The following ATG2A variants were observed in gnomAD, a reference collection of about 807,000 sequenced individuals.
The protein encoded by ATG2A is autophagy related 2A.
A neutral mutation model predicts 214.2 loss-of-function variants in ATG2A; 103 were observed. That is an observed-to-expected ratio of 0.48 (90% confidence interval 0.41 to 0.57). The LOEUF is 0.57. Ranked by LOEUF, ATG2A falls within the 20% of genes least tolerant of loss-of-function variation. The probability of loss-of-function intolerance (pLI) is 0.00; values close to 1 mark genes in which losing one functional copy is unlikely to be tolerated. For missense variants in ATG2A, 2,312 were observed against 2,613.2 expected, an observed-to-expected ratio of 0.88 and a Z score of 2.51; for synonymous variants, 1,160 against 1,142.1, an observed-to-expected ratio of 1.02 and a Z score of -0.32.
At chr11:64,900,019 T>C (rs1944295715) in intron 31 of ATG2A, among the ~76,000 whole-genome samples, 1 of 111,016 alleles carries the variant, frequency 9.0e-6, no homozygotes, top group Non-Finnish European at 1.8e-5. Flanking sequence ...CCACTGCAAA[T>C]GGTTAATTTT....
In ATG2A at chr11:64,911,114, C is replaced by A; in HGVS notation, c.1390G>T (p.Asp464Tyr). 1 of 1,614,102 alleles carries A rather than the reference C, an allele frequency of 6.2e-7. No individual in the cohort carries two copies. Among genetic ancestry groups the A allele is most frequent in the South Asian group, 1.1e-5 (1 of 91,074 alleles). ...AAGTCTCGGGAACCGAAGGGCCCAT[C>A]CTTGGTGGCATCAAACTCGGTGAAA... ...HFFTEFDATK[D>Y]GPFGSRDFHH... The change falls in exon 10 of 41, where the codon GAT becomes TAT. Residue 464 changes from aspartate to tyrosine, a missense_variant. Transcript: ENST00000377264.
Position 64,914,421 on chromosome 11 carries a change from AC to A in ATG2A, c.250del (p.Val84CysfsTer42). The A allele has an allele frequency of 6.2e-7, 1 of 1,612,612 alleles. No homozygotes were observed. The highest frequency in any genetic ancestry group is 8.5e-7 in the Non-Finnish European group (1 of 1,179,756). ...EGFVGSIEVAVPWAALLTDHC... is the reference protein window; with the variant it reads ...EGFVGSIEVAXPWAALLTDHC... ...GTCGGTGAGCAGAGCAGCCCAGGGC[AC>A]GGCCACCTCGATGGAGCCCACGAAG... is the stretch of plus-strand genomic sequence containing the variant. On this transcript the variant is annotated frameshift_variant, in exon 2 of 41. Coordinates refer to ENST00000377264, the MANE Select transcript of ATG2A (RefSeq NM_015104.3). LOFTEE classifies it high-confidence loss of function.
rs761178485 is a variant in ATG2A, at chr11:64,898,627, C to T, written c.4671+9G>A. ...CTGCCCCAGGGTGGATGGTGCAGGTCGCTCATACCATGTTAGAGTGGGCAC... is the reference window on the plus strand; with the variant it reads ...CTGCCCCAGGGTGGATGGTGCAGGTTGCTCATACCATGTTAGAGTGGGCAC... On this transcript the variant is annotated intron_variant, in intron 32 of 40. Transcript: ENST00000377264. This position sits in a 1 kb window ranked among gnomAD's most constrained non-coding sequence, Gnocchi z 4.5. The T allele has an allele frequency of 5.6e-6, 9 of 1,611,836 alleles. No individual in the cohort carries two copies. Among genetic ancestry groups the T allele is most frequent in the South Asian group, 1.1e-5 (1 of 91,038 alleles).
Position 64,897,970 on chromosome 11 carries a change from G to A in ATG2A, c.4863C>T (p.Arg1621=). The A allele has an allele frequency of 6.4e-7, 1 of 1,555,552 alleles. No individual in the cohort carries two copies. Among genetic ancestry groups the A allele is most frequent in the Non-Finnish European group, 8.7e-7 (1 of 1,153,694 alleles). Residue 1621 remains arginine (R), a synonymous_variant, in exon 35 of 41, where the codon CGC becomes CGT. Coordinates refer to ENST00000377264, the MANE Select transcript of ATG2A (RefSeq NM_015104.3). ...TGCTGGGCTGGGCTCGAGTCTCGGG[G>A]CGAGCTAGGGGAGGGGAGGTCACAG... ...VVPGETSAEA[R]PETRAQPSSP...
At position 64,904,950 on chromosome 11, in the gene ATG2A, G is replaced by A. The variant is rs567317523; in HGVS notation, c.3464+613C>T. On this transcript the variant is annotated intron_variant, in intron 24 of 40. Transcript: ENST00000377264. ...CGCTCACCGTAACCTCCGCCTCCCAGATTCAAGTGATTCTCCTGCCTCAGC... is the reference window on the plus strand; with the variant it reads ...CGCTCACCGTAACCTCCGCCTCCCAAATTCAAGTGATTCTCCTGCCTCAGC... Among the ~76,000 whole-genome samples, 17 of 152,284 alleles carry A rather than the reference G, an allele frequency of 1.1e-4. No individual in the cohort carries two copies. In the South Asian group the frequency reaches 3.3e-3, roughly 30 times the overall value.
In ATG2A at chr11:64,913,166, G is replaced by A; in HGVS notation, c.727-30C>T. The A allele has an allele frequency of 6.3e-7, 1 of 1,597,476 alleles. No homozygotes were observed. The highest frequency in any genetic ancestry group is 8.5e-7 in the Non-Finnish European group (1 of 1,170,852). On this transcript the variant is annotated intron_variant, in intron 5 of 40. Coordinates refer to ENST00000377264, the MANE Select transcript of ATG2A (RefSeq NM_015104.3). This position sits in a 1 kb window ranked among gnomAD's most constrained non-coding sequence, Gnocchi z 4.3. ...GAGACGGGAGGATACAAGAGGGAAA[G>A]GTTGAGAAAATGGAGTCAGAGATGG...
rs150776195 is a variant in ATG2A, at chr11:64,912,256, GGGA to G, written c.923-10_923-8del. ...TCAGCCAGGCCCTCGTGGTCTGCAGGGGAGGAGACTTCAGTCTGGGCTGGCTGG... is the reference window on the plus strand; with the variant it reads ...TCAGCCAGGCCCTCGTGGTCTGCAGGGGAGACTTCAGTCTGGGCTGGCTGG... On this transcript the variant is annotated splice_polypyrimidine_tract_variant and splice_region_variant and intron_variant, in intron 7 of 40. Coordinates refer to ENST00000377264, the MANE Select transcript of ATG2A (RefSeq NM_015104.3). 3.1e-3 allele frequency: 4,999 copies of G among 1,611,962 alleles called. 12 individuals are homozygous for G. The highest frequency in any genetic ancestry group is 3.6e-3 in the Non-Finnish European group (4,222 of 1,178,818).
chr11:64,902,381 C>T lies in ATG2A; in HGVS notation c.3783G>A (p.Ser1261=), dbSNP rs764929953. The T allele has an allele frequency of 5.3e-5, 83 of 1,572,254 alleles. No individual in the cohort carries two copies. Among genetic ancestry groups the T allele is most frequent in the Middle Eastern group, 2.2e-4 (1 of 4,576 alleles). ...SPTEIAGQKL[S]ESPASLPSCP... Reference sequence around the variant, plus strand: ...ACGAGGGCAGAGAGGCAGGACTCTCCGAGAGCTGGGCCAGGCAGGGGAGGA... The same window carrying T: ...ACGAGGGCAGAGAGGCAGGACTCTCTGAGAGCTGGGCCAGGCAGGGGAGGA... The change falls in exon 28 of 41, where the codon TCG becomes TCA. Residue 1261 remains serine (S), a synonymous_variant. Transcript: ENST00000377264.
chr11:64,895,332 G>T lies in ATG2A; in HGVS notation c.5538C>A (p.Asp1846Glu), dbSNP rs536644755. Reference protein sequence around the residue: ...RRLRRGQQPADLREGVAKAYD... With the variant: ...RRLRRGQQPAELREGVAKAYD... ...AGGCCTTGGCCACACCCTCCCGCAGGTCGGCAGGCTGCTGGCCCCTGCGCA... is the reference window on the plus strand; with the variant it reads ...AGGCCTTGGCCACACCCTCCCGCAGTTCGGCAGGCTGCTGGCCCCTGCGCA... Residue 1846 changes from aspartate (D) to glutamate (E), a missense_variant, in exon 40 of 41, where the codon GAC becomes GAA. Transcript: ENST00000377264. The surrounding 1 kb of genome is among the most constrained non-coding windows in gnomAD (Gnocchi z 5.0). The T allele has an allele frequency of 1.1e-5, 18 of 1,613,406 alleles. No homozygotes were observed. Among genetic ancestry groups the T allele is most frequent in the Non-Finnish European group, 1.4e-5 (17 of 1,179,880 alleles).
Position 64,903,554 on chromosome 11 carries a change from T to A in ATG2A, c.3535+36A>T. Reference sequence around the variant, plus strand: ...TGGGTGTGGCCGGGGCGGTGGTCCCTCAGAGGGGAGGGAGCCCAGTCCCGG... The same window carrying A: ...TGGGTGTGGCCGGGGCGGTGGTCCCACAGAGGGGAGGGAGCCCAGTCCCGG... On this transcript the variant is annotated intron_variant, in intron 25 of 40. Transcript: ENST00000377264. This position sits in a 1 kb window ranked among gnomAD's most constrained non-coding sequence, Gnocchi z 4.2. 6.5e-7 allele frequency: 1 copy of A among 1,528,674 alleles called. No individual in the cohort carries two copies. The highest frequency in any genetic ancestry group is 8.8e-7 in the Non-Finnish European group (1 of 1,133,536). 94.7% of individuals were successfully genotyped at this position (1,528,674 alleles called of 1,614,324 possible).
Position 64,905,599 on chromosome 11 carries a change from C to G in ATG2A, c.3428G>C (p.Ser1143Thr), listed in dbSNP as rs1343517455. The G allele has an allele frequency of 6.2e-7, 1 of 1,613,464 alleles. No homozygotes were observed. The highest frequency in any genetic ancestry group is 8.5e-7 in the Non-Finnish European group (1 of 1,179,778). ...LITAETFTLS[S>T]NIIMDTSTFL... ...GGTGGAGGTGTCCATGATGATGTTG[C>G]TGGAGAGAGTGAAGGTCTCCGCGGT... Residue 1143 changes from serine (S) to threonine (T), a missense_variant, in exon 24 of 41, where the codon AGC (serine) becomes ACC (threonine). Ser to Thr is a moderately conservative substitution (Grantham distance 58, BLOSUM62 1). Transcript: ENST00000377264.
At position 64,914,224 on chromosome 11, in the gene ATG2A, G is replaced by A; in HGVS notation, c.344C>T (p.Ala115Val). 1 of 1,552,188 alleles carries A rather than the reference G, an allele frequency of 6.4e-7. No individual in the cohort carries two copies. The highest frequency in any genetic ancestry group is 8.7e-7 in the Non-Finnish European group (1 of 1,147,584). Reference protein sequence around the residue: ...LQPRRGPAPGAADSQSWASCM... With the variant: ...LQPRRGPAPGVADSQSWASCM... Reference sequence around the variant, plus strand: ...TGAGGCCCAGCTCTGTGAGTCGGCAGCCCCTGGCGCTGTAGGGAGAAACAG... The same window carrying A: ...TGAGGCCCAGCTCTGTGAGTCGGCAACCCCTGGCGCTGTAGGGAGAAACAG... Residue 115 changes from alanine (A) to valine (V), a missense_variant, in exon 3 of 41, where the codon GCT becomes GTT. Transcript: ENST00000377264.
rs1322384638 is a variant in ATG2A at position 64,898,985 on chromosome 11, C to T, written c.4465-143G>A. 17 of 721,772 alleles carry T rather than the reference C, an allele frequency of 2.4e-5. 1 individual carries two copies. The South Asian group carries it at 3.1e-4, about 13-fold the overall frequency. The allele number at this position is 721,772 out of a possible 1,614,324, so 44.7% of individuals were successfully genotyped here. A position where few individuals can be genotyped will look rare whatever the true frequency, so the allele number is the denominator to read the frequency against. On this transcript the variant is annotated intron_variant, in intron 31 of 40. Coordinates refer to ENST00000377264, the MANE Select transcript of ATG2A (RefSeq NM_015104.3). This position sits in a 1 kb window ranked among gnomAD's most constrained non-coding sequence, Gnocchi z 4.5. ...TTGGAGTGCAGTGGCGTGATCTCGG[C>T]TCACTGCAACCTCTGCCTCTCGGGT...
chr11:64,911,410 A>G, intron 9 of ATG2A, 135 bp from the exon 10 acceptor site: 1 of 886,854 alleles, frequency 1.1e-6, no homozygotes, highest in Non-Finnish European at 1.7e-6. Flanking sequence ...AGGCTTGGTC[A>G]GGCAGGGGTG....
In ATG2A at chr11:64,913,610, T is replaced by C; in HGVS notation, c.591-209A>G. On this transcript the variant is annotated intron_variant, in intron 4 of 40. Transcript: ENST00000377264. This position sits in a 1 kb window ranked among gnomAD's most constrained non-coding sequence, Gnocchi z 4.3. ...GACCCTCAGCATCTAACTTGGTTCT[T>C]GGGGCCTCGGCCACTCTGGGCCTGT... 1 of 825,066 alleles carries C rather than the reference T, an allele frequency of 1.2e-6. No individual in the cohort carries two copies. The highest frequency in any genetic ancestry group is 1.8e-6 in the Non-Finnish European group (1 of 541,754). The allele number at this position is 825,066 out of a possible 1,614,324, so 51.1% of individuals were successfully genotyped here. A position where few individuals can be genotyped will look rare whatever the true frequency, so the allele number is the denominator to read the frequency against.
intron 13 of ATG2A, 32 bp downstream of exon 13, chr11:64,910,008 C>T: frequency 1.9e-6 from 3 of 1,559,738 alleles, no homozygotes; most frequent in South Asian, 1.2e-5. Context: ...CCTGCACCCA[C>T]CCCCGGCCTG....
chr11:64,898,198 CAG>C lies in ATG2A; in HGVS notation c.4774-30_4774-29del, dbSNP rs772720056. 6.2e-7 allele frequency: 1 copy of C among 1,613,868 alleles called. No homozygotes were observed. Among genetic ancestry groups the C allele is most frequent in the South Asian group, 1.1e-5 (1 of 91,080 alleles). ...GCAAGGGAGAGGTCCAGATGTGGAT[CAG>C]ACTCAGAGGCCTGGAGACAGTGGGG... is the stretch of plus-strand genomic sequence containing the variant. On this transcript the variant is annotated intron_variant, in intron 33 of 40. Transcript: ENST00000377264. The surrounding 1 kb of genome is among the most constrained non-coding windows in gnomAD (Gnocchi z 4.5).
In ATG2A at chr11:64,895,280, G is replaced by A; in HGVS notation, c.5580+10C>T. 6.2e-7 allele frequency: 1 copy of A among 1,613,188 alleles called. No homozygotes were observed. Among genetic ancestry groups the A allele is most frequent in the East Asian group, 2.2e-5 (1 of 44,876 alleles). ...CATGGGGGACTGGGGCAGGGCGGGG[G>A]CCTGGTCACCTCTCGCACTGTGTCG... On this transcript the variant is annotated intron_variant, in intron 40 of 40. Coordinates refer to ENST00000377264, the MANE Select transcript of ATG2A (RefSeq NM_015104.3). The surrounding 1 kb of genome is among the most constrained non-coding windows in gnomAD (Gnocchi z 5.0).
In ATG2A at chr11:64,913,219, G is replaced by C; in HGVS notation, c.726+47C>G. On this transcript the variant is annotated intron_variant, in intron 5 of 40. Coordinates refer to ENST00000377264, the MANE Select transcript of ATG2A (RefSeq NM_015104.3). The surrounding 1 kb of genome is among the most constrained non-coding windows in gnomAD (Gnocchi z 4.3). ...AGAAAGGATGGGAGGGGCTCAATGG[G>C]CTCAAGGGAGAGGAGACAGGGGCTG... 6.2e-7 allele frequency: 1 copy of C among 1,611,906 alleles called. No individual in the cohort carries two copies. The highest frequency in any genetic ancestry group is 8.5e-7 in the Non-Finnish European group (1 of 1,179,642).
Sources: allele counts gnomAD v4.1 joint callset (sites outside exome capture counted in the v4.1 genomes callset), GRCh38; gene constraint gnomAD v4.1.1; non-coding constraint Gnocchi (gnomAD v3.1); transcripts MANE v1.5; gene names NCBI Gene and HGNC (gene_info 2026-07-23, HGNC 2026-07-21).